Variants in IGF2BP2 observed in about 807,000 individuals in gnomAD.
IGF2BP2 encodes the protein insulin-like growth factor 2 mRNA-binding protein 2.
Under a neutral mutation model 75.8 loss-of-function variants are expected in IGF2BP2, and 17 were observed. The observed-to-expected ratio is 0.22, with a 90% CI of 0.15 to 0.34. The LOEUF (loss-of-function observed/expected upper bound fraction) is 0.34. Ranked by LOEUF, IGF2BP2 falls within the 10% of genes least tolerant of loss-of-function variation. The probability of loss-of-function intolerance (pLI) is 1.00; values close to 1 mark genes in which losing one functional copy is unlikely to be tolerated. For synonymous variants in IGF2BP2, 288 were observed against 295.6 expected, an observed-to-expected ratio of 0.97 and a Z score of 0.26; for missense variants, 516 against 772.4, an observed-to-expected ratio of 0.67 and a Z score of 3.93.
chr3:185,782,538 T>C (rs980621209), intron 2 of IGF2BP2, among the ~76,000 whole-genome samples: 3 of 152,168 alleles, frequency 2.0e-5, no homozygotes, highest in African/African-American at 7.2e-5. Flanking sequence ...TAGAAAGTTA[T>C]ATTACCATCC....
intron 13 of IGF2BP2, among the ~76,000 whole-genome samples, chr3:185,651,791 G>A (rs962986732): frequency 6.6e-6 from 1 of 152,172 alleles, no homozygotes; most frequent in African/African-American, 2.4e-5. Flanking sequence ...ATGACTAAAT[G>A]AGCCGGAGAC....
At chr3:185,673,780 T>C (rs900106228) in intron 9 of IGF2BP2, among the ~76,000 whole-genome samples, 3 of 152,344 alleles carry the variant, frequency 2.0e-5, no homozygotes, top group African/African-American at 7.2e-5. Flanking sequence ...TAAGATGTAG[T>C]AATTTTGTTA....
At chr3:185,769,278 G>A (rs538510952) in intron 2 of IGF2BP2, among the ~76,000 whole-genome samples, 47 of 150,678 alleles carry the variant, frequency 3.1e-4, no homozygotes, top group Non-Finnish European at 4.4e-4. Flanking sequence ...TTGGCCCCTC[G>A]AGTTTGAGGT....
At chr3:185,652,721 G>T (rs555807043) in intron 12 of IGF2BP2, among the ~76,000 whole-genome samples, 1 of 152,316 alleles carries the variant, frequency 6.6e-6, no homozygotes, top group Non-Finnish European at 1.5e-5. Context: ...AACAGCAGCA[G>T]AGCAGAAATG....
intron 2 of IGF2BP2, among the ~76,000 whole-genome samples, chr3:185,741,271 T>C (rs979582646): frequency 3.3e-5 from 5 of 152,222 alleles, no homozygotes; most frequent in Non-Finnish European, 7.3e-5. Flanking sequence ...CAGCGAGTTA[T>C]TGATTTTCAA....
At chr3:185,821,182 A>C in intron 2 of IGF2BP2, 1 of 1,422,210 alleles carries the variant, frequency 7.0e-7, no homozygotes, top group South Asian at 1.5e-5. Flanking sequence ...GAAAGGAAAA[A>C]AAAATTAAAA....
In IGF2BP2 at chr3:185,645,856, G is replaced by C. The variant is rs1395105279; in HGVS notation, c.1708-233C>G. 1.3e-5 allele frequency among the ~76,000 whole-genome samples: 2 copies of C among 152,108 alleles called. No homozygotes were observed. The highest frequency in any genetic ancestry group is 2.9e-5 in the Non-Finnish European group (2 of 68,022). On this transcript the variant is annotated intron_variant, in intron 15 of 15. Coordinates refer to ENST00000382199, the MANE Select transcript of IGF2BP2 (RefSeq NM_006548.6). The surrounding 1 kb of genome is among the most constrained non-coding windows in gnomAD (Gnocchi z 4.9). ...TCCAGGGTAAGGGGATGGGACTCCG[G>C]CAGCTTCCAGTTCACTGCTGGACGG...
intron 6 of IGF2BP2, 90 bp downstream of exon 6, chr3:185,689,265 G>A: frequency 1.5e-6 from 2 of 1,365,756 alleles, no homozygotes; most frequent in Non-Finnish European, 2.0e-6. Flanking sequence ...CACTGCTGAT[G>A]TAAGCAATTG....
At chr3:185,810,765 C>G (rs1030523097) in intron 2 of IGF2BP2, among the ~76,000 whole-genome samples, 2 of 137,426 alleles carry the variant, frequency 1.5e-5, no homozygotes, top group African/African-American at 6.3e-5. Context: ...CAGCGAGACT[C>G]TGTCTCAAAA....
intron 2 of IGF2BP2, chr3:185,716,847 C>T (rs1408158631): frequency 3.9e-6 from 2 of 507,098 alleles, no homozygotes; most frequent in East Asian, 5.5e-5. Flanking sequence ...TGGATCAGAG[C>T]TCCGACAGCC....
intron 2 of IGF2BP2, among the ~76,000 whole-genome samples, chr3:185,766,926 C>A (rs1042185824): frequency 1.3e-5 from 2 of 152,204 alleles, no homozygotes; most frequent in Non-Finnish European, 2.9e-5. Flanking sequence ...ACACAGCTGT[C>A]TTCTTGGATG....
chr3:185,726,381 T>G (rs1201398095), intron 2 of IGF2BP2, among the ~76,000 whole-genome samples: 1 of 152,184 alleles, frequency 6.6e-6, no homozygotes, highest in Non-Finnish European at 1.5e-5. Flanking sequence ...TCAGAATGTT[T>G]TCAGTCTCCA....
chr3:185,713,129 G>T (rs980956929), intron 2 of IGF2BP2: 76 of 298,282 alleles, frequency 2.5e-4, no homozygotes, highest in South Asian at 3.7e-4. Context: ...GTGTGTGTGT[G>T]TCTTGGTGTA....
At position 185,734,160 on chromosome 3, in the gene IGF2BP2, G is replaced by A. The variant is rs181023952; in HGVS notation, c.240-35813C>T. 1.1e-3 allele frequency among the ~76,000 whole-genome samples: 164 copies of A among 152,274 alleles called. 5 individuals are homozygous for A. In the East Asian group the frequency reaches 0.026, roughly 25 times the overall value. ...CTAGGCAGCTGCTCACCTCTGCTCC[G>A]GCACCTCTCTCCCTAGCCATGGCAG... is the stretch of plus-strand genomic sequence containing the variant. On this transcript the variant is annotated intron_variant, in intron 2 of 15. Coordinates refer to ENST00000382199, the MANE Select transcript of IGF2BP2 (RefSeq NM_006548.6).
At chr3:185,792,659 C>A (rs546413541) in intron 2 of IGF2BP2, among the ~76,000 whole-genome samples, 1 of 150,892 alleles carries the variant, frequency 6.6e-6, no homozygotes, top group Admixed American at 6.7e-5. Flanking sequence ...CCCAGCTACT[C>A]GGGAGAGTGA....
At chr3:185,757,262 TG>T (rs942319890) in intron 2 of IGF2BP2, among the ~76,000 whole-genome samples, 40 of 152,218 alleles carry the variant, frequency 2.6e-4, no homozygotes, top group African/African-American at 9.6e-4. Context: ...ACTAAGCACT[TG>T]CCTCTGCATT....
intron 6 of IGF2BP2, 46 bp downstream of exon 6, chr3:185,689,309 A>G: frequency 6.3e-7 from 1 of 1,590,544 alleles, no homozygotes. Flanking sequence ...ACCAGCACGC[A>G]GGGGACCCCT....
At position 185,643,136 on chromosome 3, in the gene IGF2BP2, G is replaced by A. The variant is rs148304358; in HGVS notation, c.*2395C>T. Among the ~76,000 whole-genome samples, 2 of 152,268 alleles carry A rather than the reference G, an allele frequency of 1.3e-5. No homozygotes were observed. Among genetic ancestry groups the A allele is most frequent in the East Asian group, 3.9e-4 (2 of 5,190 alleles). On this transcript the variant is annotated 3_prime_UTR_variant, in exon 16 of 16. Transcript: ENST00000382199. ...CACATGCAGTGAGACACTAAAACGT[G>A]TATGACTCATTTTATTGCAAAGTTC...
chr3:185,689,840 C>T (rs1425327275), intron 5 of IGF2BP2, among the ~76,000 whole-genome samples: 1 of 150,706 alleles, frequency 6.6e-6, no homozygotes, highest in Non-Finnish European at 1.5e-5. Flanking sequence ...TAGTGGCGGG[C>T]GCCTGTAGTC....
Sources: allele counts gnomAD v4.1 joint callset (sites outside exome capture counted in the v4.1 genomes callset), GRCh38; gene constraint gnomAD v4.1.1; non-coding constraint Gnocchi (gnomAD v3.1); transcripts MANE v1.5; gene names NCBI Gene and HGNC (gene_info 2026-07-23, HGNC 2026-07-21).